The following RORA variants were observed in gnomAD, a reference collection of about 807,000 sequenced individuals.
RORA encodes nuclear receptor ROR-alpha.
Under a neutral mutation model 69.5 loss-of-function variants are expected in RORA, and 7 were observed. The observed-to-expected ratio is 0.10, with a 90% CI of 0.06 to 0.19. The LOEUF is 0.19. RORA is among the 10% of genes least tolerant of loss of function. The probability of loss-of-function intolerance (pLI) is 1.00; values close to 1 mark genes in which losing one functional copy is unlikely to be tolerated. For missense variants in RORA, 457 were observed against 663.0 expected (o/e 0.69, Z 3.41); for synonymous variants, 261 against 240.8 (o/e 1.08, Z -0.78).
At position 60,584,471 on chromosome 15, in the gene RORA, T is replaced by G. The variant is rs552805351; in HGVS notation, c.197-52620A>C. Among the ~76,000 whole-genome samples, 7 of 152,352 alleles carry G rather than the reference T, an allele frequency of 4.6e-5. No individual in the cohort carries two copies. The East Asian group carries it at 1.3e-3, about 29-fold the overall frequency. On this transcript the variant is annotated intron_variant, in intron 2 of 10. Transcript: ENST00000335670. ...GTAGCTTATAGCAAATGCAAATGTG[T>G]AAGTCCAACAGCCATAAAGCAGCCT... is the stretch of plus-strand genomic sequence containing the variant.
intron 2 of RORA, among the ~76,000 whole-genome samples, chr15:60,581,804 G>A (rs1420028602): frequency 1.3e-5 from 2 of 152,158 alleles, no homozygotes; most frequent in East Asian, 3.8e-4. Context: ...AAGATGCCAG[G>A]TCTCAAATTA....
chr15:61,142,279 A>G (rs2079307489), intron 1 of RORA, among the ~76,000 whole-genome samples: 1 of 152,122 alleles, frequency 6.6e-6, no homozygotes, highest in Non-Finnish European at 1.5e-5. Flanking sequence ...CTCCTCTGGC[A>G]TCTCTCAATT....
chr15:61,085,353 G>A (rs971921839), intron 1 of RORA, among the ~76,000 whole-genome samples: 20 of 152,204 alleles, frequency 1.3e-4, no homozygotes, highest in Non-Finnish European at 2.8e-4. Flanking sequence ...TTCATGGTGG[G>A]AAAGTGACCT....
At chr15:60,897,378 C>G (rs1053648769) in intron 1 of RORA, among the ~76,000 whole-genome samples, 1 of 152,182 alleles carries the variant, frequency 6.6e-6, no homozygotes, top group African/African-American at 2.4e-5. Context: ...TCACATTAAT[C>G]TCCATTTCAC....
intron 2 of RORA, among the ~76,000 whole-genome samples, chr15:60,671,066 T>TTA (rs1567149501): frequency 5.4e-5 from 1 of 18,524 alleles, no homozygotes; most frequent in African/African-American, 2.8e-4. Context: ...TATATCCCAT[T>TTA]GATATATATA....
In RORA at chr15:61,161,159, C is replaced by T. The variant is rs550666503; in HGVS notation, c.166+67894G>A. 2.6e-5 allele frequency among the ~76,000 whole-genome samples: 4 copies of T among 152,236 alleles called. No homozygotes were observed. The South Asian group carries it at 8.3e-4, about 32-fold the overall frequency. On this transcript the variant is annotated intron_variant, in intron 1 of 10. Transcript: ENST00000335670. ...TGAAGCAATGGGAGGAGAGATGATGCTGGAGCCAGAAGGATTGTGGATCCC... is the reference window on the plus strand; with the variant it reads ...TGAAGCAATGGGAGGAGAGATGATGTTGGAGCCAGAAGGATTGTGGATCCC...
intron 1 of RORA, among the ~76,000 whole-genome samples, chr15:61,211,204 A>G (rs1205464039): frequency 6.6e-6 from 1 of 151,936 alleles, no homozygotes; most frequent in Non-Finnish European, 1.5e-5. Context: ...CTGTTTGGCC[A>G]CCAACGTCCT....
chr15:61,093,412 T>C (rs146179460), intron 1 of RORA, among the ~76,000 whole-genome samples: 225 of 152,292 alleles, frequency 1.5e-3, no homozygotes, highest in African/African-American at 4.9e-3. Flanking sequence ...GATATAGGCA[T>C]GAGGCCACAT....
At chr15:60,987,483 C>T (rs891412498) in intron 1 of RORA, among the ~76,000 whole-genome samples, 1 of 152,166 alleles carries the variant, frequency 6.6e-6, no homozygotes, top group African/African-American at 2.4e-5. Context: ...AATTCTGGGT[C>T]ATAGTGAGGA....
intron 1 of RORA, among the ~76,000 whole-genome samples, chr15:60,731,985 G>C (rs977837384): frequency 1.3e-5 from 2 of 152,168 alleles, no homozygotes; most frequent in Admixed American, 1.3e-4. Flanking sequence ...TAGAAGTTCC[G>C]AATAGGCGAA....
At chr15:60,710,475 C>T (rs367992982) in intron 1 of RORA, among the ~76,000 whole-genome samples, 10 of 151,858 alleles carry the variant, frequency 6.6e-5, no homozygotes, top group East Asian at 1.9e-4. Flanking sequence ...GCAACAAGAG[C>T]GAAACTCCAT....
intron 1 of RORA, among the ~76,000 whole-genome samples, chr15:61,074,745 A>G (rs1238433133): frequency 1.3e-5 from 2 of 152,172 alleles, no homozygotes; most frequent in African/African-American, 4.8e-5. Flanking sequence ...TACAGGCCAA[A>G]CTGTGGACTG....
At chr15:60,910,784 T>C (rs566130707) in intron 1 of RORA, among the ~76,000 whole-genome samples, 151 of 152,290 alleles carry the variant, frequency 9.9e-4, no homozygotes, top group Non-Finnish European at 1.7e-3. Context: ...TAACAACTAA[T>C]TGAATTCATC....
intron 1 of RORA, among the ~76,000 whole-genome samples, chr15:60,903,298 C>T (rs1004604598): frequency 6.6e-6 from 1 of 152,224 alleles, no homozygotes; most frequent in Non-Finnish European, 1.5e-5. Context: ...CTCATTGCAG[C>T]TTCAGAGTAA....
At chr15:60,692,429 G>A (rs574429213) in intron 1 of RORA, among the ~76,000 whole-genome samples, 3 of 152,280 alleles carry the variant, frequency 2.0e-5, no homozygotes, top group African/African-American at 7.2e-5. Context: ...ATGAGTTCAC[G>A]CTACATAGCA....
chr15:60,552,998 C>T (rs1226504918), intron 2 of RORA, among the ~76,000 whole-genome samples: 1 of 152,072 alleles, frequency 6.6e-6, no homozygotes, highest in East Asian at 1.9e-4. Context: ...GTTATTTAAC[C>T]TCTCCAAACC....
At position 60,630,919 on chromosome 15, in the gene RORA, G is replaced by A. The variant is rs528594740; in HGVS notation, c.196+47738C>T. Among the ~76,000 whole-genome samples, 84 of 128,358 alleles carry A rather than the reference G, an allele frequency of 6.5e-4. 1 individual carries two copies. Among genetic ancestry groups the A allele is most frequent in the Middle Eastern group, 4.8e-3 (1 of 208 alleles). The allele number at this position is 128,358 out of a possible 152,430, so 84.2% of individuals were successfully genotyped here. On this transcript the variant is annotated intron_variant, in intron 2 of 10. Coordinates refer to ENST00000335670, the MANE Select transcript of RORA (RefSeq NM_134261.3). ...TTTTTTTTTTTTGAGACGGAGTCTC[G>A]CTCTGTCACCAAGCTGGAGTACAGT...
At chr15:61,097,647 A>T (rs1415279634) in intron 1 of RORA, among the ~76,000 whole-genome samples, 1 of 152,186 alleles carries the variant, frequency 6.6e-6, no homozygotes, top group Non-Finnish European at 1.5e-5. Flanking sequence ...AGTACAGTAC[A>T]AAGGAGGTGA....
At chr15:60,705,879 A>G (rs775296901) in intron 1 of RORA, among the ~76,000 whole-genome samples, 7 of 152,198 alleles carry the variant, frequency 4.6e-5, no homozygotes, top group Non-Finnish European at 8.8e-5. Context: ...TTGCTTTTAT[A>G]TAGAATCTTT....
Sources: allele counts gnomAD v4.1 joint callset (sites outside exome capture counted in the v4.1 genomes callset), GRCh38; gene constraint gnomAD v4.1.1; transcripts MANE v1.5; gene names NCBI Gene and HGNC (gene_info 2026-07-23, HGNC 2026-07-21).